EIF2AK4: variants seen among roughly 807,000 people sequenced by gnomAD.
The protein encoded by EIF2AK4 is eukaryotic translation initiation factor 2 alpha kinase 4.
Under a neutral mutation model 211.1 loss-of-function variants are expected in EIF2AK4, and 139 were observed. That is an observed-to-expected ratio of 0.66 (90% CI 0.57 to 0.76). The LOEUF (loss-of-function observed/expected upper bound fraction) is 0.76, where lower values mean the gene tolerates loss of function less well. EIF2AK4 is among the 30% of genes least tolerant of loss of function. The probability of loss-of-function intolerance (pLI) is 0.00; values close to 1 mark genes in which losing one functional copy is unlikely to be tolerated. For missense variants in EIF2AK4, 1,664 were observed against 2,043.8 expected (o/e 0.81, Z 3.58); for synonymous variants, 710 against 751.3 (o/e 0.94, Z 0.90).
chr15:40,024,650 G>A (rs1160052479), intron 32 of EIF2AK4, among the ~76,000 whole-genome samples: 7 of 150,628 alleles, frequency 4.6e-5, no homozygotes, highest in African/African-American at 1.7e-4. Context: ...CACCCACCTC[G>A]GCTCCCCAAA....
chr15:39,955,771 A>G lies in EIF2AK4; in HGVS notation c.743+3A>G, dbSNP rs1306038720. 11 of 1,594,282 alleles carry G rather than the reference A, an allele frequency of 6.9e-6. No individual in the cohort carries two copies. Among genetic ancestry groups the G allele is most frequent in the Admixed American group, 1.8e-5 (1 of 54,766 alleles). The stretch of plus-strand genomic sequence containing the variant: ...GCAAACTCCTCAGGAAGGTCTAGGT[A>G]AGTCCCTGGGATTTCTGATCTGGGA... On this transcript the variant is annotated splice_donor_region_variant and intron_variant, in intron 6 of 38. Coordinates refer to ENST00000263791, the MANE Select transcript of EIF2AK4 (RefSeq NM_001013703.4).
At chr15:39,992,377 CT>C (rs1430034853) in intron 17 of EIF2AK4, 148 bp downstream of exon 17, 3 of 589,452 alleles carry the variant, frequency 5.1e-6, no homozygotes, top group African/African-American at 1.9e-5. Context: ...ACGTTTTAAT[CT>C]TTTTTTCCTT....
At chr15:39,958,338 G>A (rs896957540) in intron 6 of EIF2AK4, among the ~76,000 whole-genome samples, 1 of 152,200 alleles carries the variant, frequency 6.6e-6, no homozygotes, top group Non-Finnish European at 1.5e-5. Context: ...CCAGAATCTA[G>A]AATATATCAC....
rs1279129505 is a variant in EIF2AK4, at chr15:39,996,842, A to G, written c.2767-122A>G. 6 of 652,214 alleles carry G rather than the reference A, an allele frequency of 9.2e-6. No homozygotes were observed. In the East Asian group the frequency reaches 1.3e-4, roughly 14 times the overall value. The allele number at this position is 652,214 out of a possible 1,614,324, so 40.4% of individuals were successfully genotyped here. ...TAAGAACAAATCTTCGCATTTTTCCAGTGTGACCTGTTTTGTACTCCTACA... is the reference window on the plus strand; with the variant it reads ...TAAGAACAAATCTTCGCATTTTTCCGGTGTGACCTGTTTTGTACTCCTACA... On this transcript the variant is annotated intron_variant, in intron 18 of 38. Coordinates refer to ENST00000263791, the MANE Select transcript of EIF2AK4 (RefSeq NM_001013703.4).
At chr15:39,959,717 T>C (rs2034440180) in intron 6 of EIF2AK4, among the ~76,000 whole-genome samples, 6 of 152,272 alleles carry the variant, frequency 3.9e-5, no homozygotes, top group Admixed American at 3.9e-4. Flanking sequence ...TGCTTCTGCA[T>C]AGTTTATGTT....
At chr15:39,961,666 A>G (rs2034473813) in intron 6 of EIF2AK4, 118 bp from the exon 7 acceptor site, 1 of 738,328 alleles carries the variant, frequency 1.4e-6, no homozygotes, top group Non-Finnish European at 2.2e-6. Flanking sequence ...AACAGTAATA[A>G]ACGGGAGAAA....
chr15:39,939,653 A>G (rs1184300176), intron 2 of EIF2AK4, 36 bp downstream of exon 2: 1 of 1,533,400 alleles, frequency 6.5e-7, no homozygotes, highest in South Asian at 1.2e-5. Flanking sequence ...ACGTGGTTTC[A>G]GTTTTCTGTT....
At chr15:39,945,320 A>G (rs1416851871) in intron 3 of EIF2AK4, among the ~76,000 whole-genome samples, 1 of 152,094 alleles carries the variant, frequency 6.6e-6, no homozygotes, top group Non-Finnish European at 1.5e-5. Flanking sequence ...ATATTTATAT[A>G]TACCTCTTAC....
chr15:39,935,224 G>C (rs889682825), intron 1 of EIF2AK4, among the ~76,000 whole-genome samples: 1 of 152,082 alleles, frequency 6.6e-6, no homozygotes, highest in Non-Finnish European at 1.5e-5. Flanking sequence ...ATTAAGGCAC[G>C]TTATAAAGTA....
intron 7 of EIF2AK4, among the ~76,000 whole-genome samples, chr15:39,963,510 G>T (rs908630997): frequency 6.6e-6 from 1 of 151,996 alleles, no homozygotes; most frequent in Non-Finnish European, 1.5e-5. Context: ...TTTAAAATAT[G>T]CCCTAATTGT....
chr15:39,994,086 G>A (rs534576453), intron 18 of EIF2AK4, among the ~76,000 whole-genome samples: 1 of 152,312 alleles, frequency 6.6e-6, no homozygotes, highest in Admixed American at 6.5e-5. Flanking sequence ...AGACATAAGA[G>A]GAAGGAGGAG....
chr15:40,017,536 T>C (rs1327012627), intron 29 of EIF2AK4, among the ~76,000 whole-genome samples: 3 of 103,240 alleles, frequency 2.9e-5, no homozygotes, highest in African/African-American at 4.2e-5. Flanking sequence ...TATATATATA[T>C]ATATATATAT....
Position 39,985,841 on chromosome 15 carries a change from A to G in EIF2AK4, c.2356A>G (p.Ser786Gly), listed in dbSNP as rs2034857278. Residue 786 changes from serine (S) to glycine (G), a missense_variant, in exon 14 of 39, where the codon AGT (serine) becomes GGT (glycine). Physicochemically the swap from Ser to Gly is moderately conservative, Grantham distance 56 (BLOSUM62 0). This residue lies in a region of EIF2AK4 where 206 missense variants were observed against 201.9 expected (regional missense o/e 1.02). Coordinates refer to ENST00000263791, the MANE Select transcript of EIF2AK4 (RefSeq NM_001013703.4). ...CAATGAAAAGAATGGCTGCCATGAAAGTGAGCCATCAGTGACGACTGAGGC... is the reference window on the plus strand; with the variant it reads ...CAATGAAAAGAATGGCTGCCATGAAGGTGAGCCATCAGTGACGACTGAGGC... ...DCNEKNGCHE[S>G]EPSVTTEAVH... 6.2e-7 allele frequency: 1 copy of G among 1,614,182 alleles called. No homozygotes were observed. The highest frequency in any genetic ancestry group is 8.5e-7 in the Non-Finnish European group (1 of 1,180,022).
chr15:40,013,889 A>G (rs1170625121), intron 27 of EIF2AK4, among the ~76,000 whole-genome samples: 1 of 152,192 alleles, frequency 6.6e-6, no homozygotes, highest in Non-Finnish European at 1.5e-5. Flanking sequence ...CATTAACTCA[A>G]AAGTCCACAG....
chr15:39,998,554 T>C (rs1222426589), intron 19 of EIF2AK4, among the ~76,000 whole-genome samples, 177 bp from the exon 20 acceptor site: 1 of 152,214 alleles, frequency 6.6e-6, no homozygotes, highest in Non-Finnish European at 1.5e-5. Flanking sequence ...GTAAAGTTTA[T>C]ATTAAAATAA....
chr15:40,004,743 C>G (rs906771303), intron 23 of EIF2AK4, among the ~76,000 whole-genome samples: 1 of 151,892 alleles, frequency 6.6e-6, no homozygotes, highest in Non-Finnish European at 1.5e-5. Context: ...TTTGTAGAAA[C>G]GGGCTCTCGC....
chr15:39,988,526 A>G (rs2034897525), intron 15 of EIF2AK4, among the ~76,000 whole-genome samples: 1 of 152,258 alleles, frequency 6.6e-6, no homozygotes, highest in East Asian at 1.9e-4. Flanking sequence ...AGCTATGCTC[A>G]TTGGTTTACA....
At position 39,998,721 on chromosome 15, in the gene EIF2AK4, A is replaced by AT; in HGVS notation, c.2869-3dup. Reference sequence around the variant, plus strand: ...GCCAAAACCTTGCTGATTTGAATATATTTTTTTAGCCCACTTCGCCTAAGT... The same window carrying AT: ...GCCAAAACCTTGCTGATTTGAATATATTTTTTTTAGCCCACTTCGCCTAAGT... On this transcript the variant is annotated splice_polypyrimidine_tract_variant and intron_variant, in intron 19 of 38. Coordinates refer to ENST00000263791, the MANE Select transcript of EIF2AK4 (RefSeq NM_001013703.4). 6.2e-7 allele frequency: 1 copy of AT among 1,610,990 alleles called. No individual in the cohort carries two copies. Among genetic ancestry groups the AT allele is most frequent in the Admixed American group, 1.7e-5 (1 of 59,686 alleles).
intron 27 of EIF2AK4, among the ~76,000 whole-genome samples, chr15:40,012,606 A>G (rs754013073): frequency 3.3e-4 from 51 of 152,330 alleles, no homozygotes; most frequent in African/African-American, 1.0e-3. Flanking sequence ...CAATGATTCT[A>G]TACCCAAGTT....
Sources: gnomAD v4.1 joint callset for allele counts (sites outside exome capture counted in the v4.1 genomes callset) on GRCh38, gnomAD v4.1.1 for gene constraint, gnomAD v4.1.1 regional missense constraint, MANE v1.5 for transcripts, NCBI Gene and HGNC (gene_info 2026-07-23, HGNC 2026-07-21) for gene names.